The following CYP3A43 variants were observed in gnomAD, a reference collection of about 807,000 sequenced individuals.
CYP3A43 encodes the protein cytochrome P450 3A43.
In CYP3A43, 45 loss-of-function variants were observed where a neutral mutation model predicts 58.0. That is an observed-to-expected ratio of 0.78 (90% CI 0.61 to 0.99). CYP3A43 has a LOEUF of 0.99. Ranked by LOEUF, CYP3A43 falls within the 50% of genes least tolerant of loss-of-function variation. CYP3A43 has a pLI of 0.00. For synonymous variants in CYP3A43, 191 were observed against 201.4 expected (o/e 0.95, Z 0.44); for missense variants, 593 against 591.9 (o/e 1.00, Z -0.02).
chr7:99,846,880 G>T (rs756779891), intron 4 of CYP3A43, among the ~76,000 whole-genome samples: 1 of 152,162 alleles, frequency 6.6e-6, no homozygotes, highest in Non-Finnish European at 1.5e-5. Flanking sequence ...TAGGCCTGTC[G>T]CAAGTTGGGA....
chr7:99,839,069 G>A lies in CYP3A43; in HGVS notation c.166-51G>A, dbSNP rs376304669. 1,511 of 1,608,642 alleles carry A rather than the reference G, an allele frequency of 9.4e-4. 15 individuals are homozygous for A. The highest frequency in any genetic ancestry group is 7.0e-4 in the Admixed American group (42 of 59,994). On this transcript the variant is annotated intron_variant, in intron 2 of 12. Transcript: ENST00000354829. ...CTTTTTTGCCCTGGTTAAATGTAGC[G>A]TTCAGTACATTCGAAATAATACTTG...
intron 11 of CYP3A43, 27 bp downstream of exon 11, chr7:99,861,866 T>TC (rs1357817954): frequency 6.3e-7 from 1 of 1,581,642 alleles, no homozygotes. Context: ...AAAGGAGCCT[T>TC]CCCTCAACCA....
At chr7:99,844,000 C>A (rs928597885) in intron 3 of CYP3A43, 143 bp from the exon 4 acceptor site, 7 of 616,996 alleles carry the variant, frequency 1.1e-5, no homozygotes, top group South Asian at 6.8e-5. Flanking sequence ...CCCTAATTGA[C>A]CTTGGAGCTG....
At chr7:99,837,857 G>A (rs1471628708) in intron 2 of CYP3A43, among the ~76,000 whole-genome samples, 1 of 152,232 alleles carries the variant, frequency 6.6e-6, no homozygotes, top group Non-Finnish European at 1.5e-5. Context: ...CACATGGCCA[G>A]TAAGAAAGCC....
chr7:99,862,693 G>A (rs770394364), intron 11 of CYP3A43, among the ~76,000 whole-genome samples: 3 of 152,220 alleles, frequency 2.0e-5, no homozygotes, highest in Non-Finnish European at 2.9e-5. Context: ...ACTGGCTGGT[G>A]AGGCCTGGGA....
intron 7 of CYP3A43, among the ~76,000 whole-genome samples, chr7:99,852,306 T>C (rs914398652): frequency 1.2e-4 from 19 of 152,234 alleles, no homozygotes; most frequent in African/African-American, 4.3e-4. Flanking sequence ...CAAATCAATT[T>C]TAAAATCAAC....
intron 11 of CYP3A43, among the ~76,000 whole-genome samples, chr7:99,862,327 A>G (rs1818270153): frequency 6.6e-6 from 1 of 152,034 alleles, no homozygotes; most frequent in Non-Finnish European, 1.5e-5. Context: ...TTTTCTTTCA[A>G]CATTGCTTGC....
rs1424319510 is a variant in CYP3A43 at position 99,847,838 on chromosome 7, C to A, written c.432+237C>A. The A allele has an allele frequency of 5.5e-6, 3 of 542,494 alleles. No homozygotes were observed. The African/African-American group carries it at 5.7e-5, about 10-fold the overall frequency. The allele number at this position is 542,494 out of a possible 1,614,324, so 33.6% of individuals were successfully genotyped here. On this transcript the variant is annotated intron_variant, in intron 5 of 12. Transcript: ENST00000354829. ...ACCAGCCTGGCCAACATGGTGAAAC[C>A]CCAACTCTACTAAAAATACAAAAAT...
intron 3 of CYP3A43, among the ~76,000 whole-genome samples, chr7:99,843,311 C>T (rs143249857): frequency 2.9e-4 from 44 of 152,160 alleles, no homozygotes; most frequent in African/African-American, 8.9e-4. Flanking sequence ...ACAGAGGCTC[C>T]TGTGGCTGGT....
chr7:99,838,916 G>T, intron 2 of CYP3A43: 2 of 630,718 alleles, frequency 3.2e-6, no homozygotes, highest in Non-Finnish European at 2.6e-6. Context: ...GAAGGCAGAG[G>T]TTGCAATGAG....
rs1817946308 is a variant in CYP3A43 at position 99,855,643 on chromosome 7, TCCAAAAGATGTTA to T, written c.726_738del (p.Lys243IlefsTer3). The T allele has an allele frequency of 6.2e-7, 1 of 1,613,604 alleles. No individual in the cohort carries two copies. Among genetic ancestry groups the T allele is most frequent in the Non-Finnish European group, 8.5e-7 (1 of 1,179,916 alleles). On this transcript the variant is annotated frameshift_variant, in exon 8 of 13. Transcript: ENST00000354829. LOFTEE classifies it high-confidence loss of function. ...TTGAAGCCCTAAATATCGGTTTGTT[TCCAAAAGATGTTA>T]CCCATTTTTTAAAAAATTCCATTGA...
chr7:99,861,974 T>G (rs1188484666), intron 11 of CYP3A43, 135 bp downstream of exon 11: 3 of 732,016 alleles, frequency 4.1e-6, no homozygotes, highest in South Asian at 4.3e-5. Context: ...AAATGATAAC[T>G]GTTAAACTTT....
chr7:99,835,457 T>C (rs183113916), intron 1 of CYP3A43, among the ~76,000 whole-genome samples: 20 of 152,310 alleles, frequency 1.3e-4, no homozygotes, highest in Non-Finnish European at 2.4e-4. Flanking sequence ...GGCATCAAAA[T>C]ACAAGGAAAT....
chr7:99,840,987 G>T (rs1817307852), intron 3 of CYP3A43, among the ~76,000 whole-genome samples: 1 of 152,124 alleles, frequency 6.6e-6, no homozygotes, highest in African/African-American at 2.4e-5. Flanking sequence ...ATAAAATGTT[G>T]CTTGAGACCT....
At position 99,854,267 on chromosome 7, in the gene CYP3A43, C is replaced by T. The variant is rs141697643; in HGVS notation, c.671-1324C>T. Among the ~76,000 whole-genome samples the T allele has an allele frequency of 7.9e-3, 1,168 of 147,516 alleles. 9 individuals carry two copies. Among genetic ancestry groups the T allele is most frequent in the African/African-American group, 0.028 (1,111 of 39,042 alleles). ...TTGAGACAGAGTCTCAAAAAAGTTG[C>T]GTGATCTAGGCTCACTGAAACCTCT... On this transcript the variant is annotated intron_variant, in intron 7 of 12. Transcript: ENST00000354829.
chr7:99,832,275 T>C (rs974866800), intron 1 of CYP3A43, among the ~76,000 whole-genome samples: 1 of 151,794 alleles, frequency 6.6e-6, no homozygotes, highest in African/African-American at 2.4e-5. Context: ...CCTAGTGATA[T>C]GGTTTGGCTC....
At chr7:99,842,440 C>A (rs1817370597) in intron 3 of CYP3A43, among the ~76,000 whole-genome samples, 1 of 152,116 alleles carries the variant, frequency 6.6e-6, no homozygotes, top group Non-Finnish European at 1.5e-5. Flanking sequence ...TCTCACTTAT[C>A]AAGTAAATCC....
At chr7:99,852,553 G>A (rs1817802623) in intron 7 of CYP3A43, among the ~76,000 whole-genome samples, 1 of 151,970 alleles carries the variant, frequency 6.6e-6, no homozygotes, top group African/African-American at 2.4e-5. Flanking sequence ...CTAATATTTT[G>A]ATGTTATGGT....
At chr7:99,837,929 G>A (rs1426110493) in intron 2 of CYP3A43, among the ~76,000 whole-genome samples, 9 of 152,188 alleles carry the variant, frequency 5.9e-5, no homozygotes, top group Non-Finnish European at 1.2e-4. Flanking sequence ...TTGTTTTTCA[G>A]ATTCTAATTC....
Sources: gnomAD v4.1 joint callset for allele counts (sites outside exome capture counted in the v4.1 genomes callset) on GRCh38, gnomAD v4.1.1 for gene constraint, MANE v1.5 for transcripts, NCBI Gene and HGNC (gene_info 2026-07-23, HGNC 2026-07-21) for gene names.